Variants in SRD5A2 observed in about 807,000 individuals in gnomAD.
SRD5A2 encodes 3-oxo-5-alpha-steroid 4-dehydrogenase 2.
Under a neutral mutation model 27.4 loss-of-function variants are expected in SRD5A2, and 30 were observed. The observed-to-expected ratio is 1.10, with a 90% CI of 0.82 to 1.49. The LOEUF (loss-of-function observed/expected upper bound fraction) is 1.49, where lower values mean the gene tolerates loss of function less well. Ranked by LOEUF, SRD5A2 falls within the 40% of genes most tolerant of loss-of-function variation. The pLI is 0.00. For missense variants in SRD5A2, 348 were observed against 323.4 expected (o/e 1.08, Z -0.58); for synonymous variants, 141 against 133.6 (o/e 1.06, Z -0.38).
intron 1 of SRD5A2, among the ~76,000 whole-genome samples, chr2:31,573,014 G>A (rs1369096303): frequency 6.6e-6 from 1 of 152,184 alleles, no homozygotes; most frequent in Non-Finnish European, 1.5e-5. Context: ...CCAAGACTGA[G>A]TATACAAAGT....
chr2:31,579,343 CT>C (rs1667021649), intron 1 of SRD5A2, among the ~76,000 whole-genome samples: 1 of 152,236 alleles, frequency 6.6e-6, no homozygotes, highest in Admixed American at 6.5e-5. Context: ...ATCACTTTCT[CT>C]TTACGAGACA....
the SRD5A2 span, among the ~76,000 whole-genome samples, chr2:31,592,481 C>T: frequency 7.9e-5 from 12 of 152,260 alleles, no homozygotes; most frequent in African/African-American, 2.9e-4. Flanking sequence ...AGAGCAGACA[C>T]TGGCATTCAC....
At chr2:31,609,957 C>A in the SRD5A2 span, among the ~76,000 whole-genome samples, 19 of 151,974 alleles carry the variant, frequency 1.3e-4, no homozygotes, top group East Asian at 3.1e-3. Flanking sequence ...TGCAACCTGC[C>A]AAGACTGAAT....
chr2:31,650,505 A>C, the SRD5A2 span, among the ~76,000 whole-genome samples: 3 of 152,144 alleles, frequency 2.0e-5, no homozygotes, highest in Admixed American at 6.5e-5. Context: ...TCCTCTAGAT[A>C]GTTTCTCTAT....
At chr2:31,662,731 C>T in the SRD5A2 span, among the ~76,000 whole-genome samples, 1 of 152,120 alleles carries the variant, frequency 6.6e-6, no homozygotes, top group Non-Finnish European at 1.5e-5. Flanking sequence ...AGGTGTTCAT[C>T]CAATCACTCT....
rs1396697375 is a variant in SRD5A2, at chr2:31,580,610, A to G, written c.281+10T>C. 3.3e-6 allele frequency: 5 copies of G among 1,535,352 alleles called. No homozygotes were observed. The African/African-American group carries it at 6.8e-5, about 21-fold the overall frequency. Reference sequence around the variant, plus strand: ...CGCTGCACTGGGCGCCCGCAAGGGAAAAACGCTACCTGTGGAAGTAATGTA... The same window carrying G: ...CGCTGCACTGGGCGCCCGCAAGGGAGAAACGCTACCTGTGGAAGTAATGTA... On this transcript the variant is annotated intron_variant, in intron 1 of 4. Coordinates refer to ENST00000622030, the MANE Select transcript of SRD5A2 (RefSeq NM_000348.4).
chr2:31,615,872 G>A, the SRD5A2 span, among the ~76,000 whole-genome samples: 2 of 152,270 alleles, frequency 1.3e-5, no homozygotes, highest in East Asian at 3.9e-4. Flanking sequence ...GTGCAGCCTA[G>A]GGACTTGGTG....
upstream of SRD5A2, among the ~76,000 whole-genome samples, chr2:31,583,640 C>CA (rs1246469141): frequency 0.025 from 461 of 18,372 alleles, 23 homozygotes; most frequent in African/African-American, 0.064. Context: ...AAAAAAAAAG[C>CA]AAAAAAAAAA....
At chr2:31,587,377 C>A in the SRD5A2 span, among the ~76,000 whole-genome samples, 1 of 152,126 alleles carries the variant, frequency 6.6e-6, no homozygotes, top group Non-Finnish European at 1.5e-5. Flanking sequence ...CCAGAAATAC[C>A]ATTTGACCCA....
At position 31,547,888 on chromosome 2, in the gene SRD5A2, G is replaced by A. The variant is rs530499195; in HGVS notation, c.282-14122C>T. On this transcript the variant is annotated intron_variant, in intron 1 of 4. Coordinates refer to ENST00000622030, the MANE Select transcript of SRD5A2 (RefSeq NM_000348.4). ...ATAGATAGATAGATAGATAGATATA[G>A]ATATAGTTAGATAGATACAGATATA... Among the ~76,000 whole-genome samples the A allele has an allele frequency of 1.9e-3, 295 of 152,114 alleles. 1 individual carries two copies. Among genetic ancestry groups the A allele is most frequent in the African/African-American group, 6.8e-3 (282 of 41,484 alleles).
At chr2:31,548,243 C>T (rs1354122964) in intron 1 of SRD5A2, among the ~76,000 whole-genome samples, 1 of 152,034 alleles carries the variant, frequency 6.6e-6, no homozygotes, top group Non-Finnish European at 1.5e-5. Context: ...AACAGAAAAA[C>T]TGAACTTCAT....
At chr2:31,650,872 G>A in the SRD5A2 span, among the ~76,000 whole-genome samples, 2 of 152,104 alleles carry the variant, frequency 1.3e-5, no homozygotes, top group Non-Finnish European at 2.9e-5. Context: ...ACTACAAAAG[G>A]TGCTAGCAAT....
At chr2:31,662,338 G>T in the SRD5A2 span, among the ~76,000 whole-genome samples, 1 of 151,980 alleles carries the variant, frequency 6.6e-6, no homozygotes, top group Admixed American at 6.6e-5. Context: ...TTTTGTTTTT[G>T]AGACAGAGTC....
chr2:31,545,886 C>T (rs1347643748), intron 1 of SRD5A2, among the ~76,000 whole-genome samples: 1 of 152,074 alleles, frequency 6.6e-6, no homozygotes, highest in East Asian at 1.9e-4. Flanking sequence ...AGAGAGTTGA[C>T]ACACAAAAAT....
Position 31,526,119 on chromosome 2 carries a change from A to T in SRD5A2, c.*77T>A, listed in dbSNP as rs1665775194. 4.0e-6 allele frequency: 4 copies of T among 989,736 alleles called. No homozygotes were observed. Among genetic ancestry groups the T allele is most frequent in the Non-Finnish European group, 6.2e-6 (4 of 642,528 alleles). The allele number at this position is 989,736 out of a possible 1,614,324, so 61.3% of individuals were successfully genotyped here. ...TACATATATACGGGACTATTATATC[A>T]TGAAAATTACAGTTTCAGCAGCTTG... is the stretch of plus-strand genomic sequence containing the variant. On this transcript the variant is annotated 3_prime_UTR_variant, in exon 5 of 5. Coordinates refer to ENST00000622030, the MANE Select transcript of SRD5A2 (RefSeq NM_000348.4).
chr2:31,623,188 T>A, the SRD5A2 span, among the ~76,000 whole-genome samples: 5 of 152,088 alleles, frequency 3.3e-5, no homozygotes, highest in Non-Finnish European at 7.4e-5. Context: ...GCTGTTGATG[T>A]TGCAAATTGT....
At chr2:31,603,205 T>A in the SRD5A2 span, among the ~76,000 whole-genome samples, 9 of 151,354 alleles carry the variant, frequency 5.9e-5, no homozygotes, top group African/African-American at 2.2e-4. Flanking sequence ...ACAATGAACT[T>A]AAGCAAATTT....
chr2:31,552,834 G>A (rs1181851897), intron 1 of SRD5A2, among the ~76,000 whole-genome samples: 1 of 152,082 alleles, frequency 6.6e-6, no homozygotes, highest in South Asian at 2.1e-4. Context: ...TTTTTCAAAT[G>A]TGCAGACACC....
chr2:31,656,558 G>A, the SRD5A2 span, among the ~76,000 whole-genome samples: 1,244 of 152,178 alleles, frequency 8.2e-3, 18 homozygotes, highest in Non-Finnish European at 0.012. Context: ...AAAAAAATAC[G>A]TTGGGGGAAA....
Sources: allele counts gnomAD v4.1 joint callset (sites outside exome capture counted in the v4.1 genomes callset), GRCh38; gene constraint gnomAD v4.1.1; transcripts MANE v1.5; gene names NCBI Gene and HGNC (gene_info 2026-07-23, HGNC 2026-07-21).